The following DGAT2 variants were observed in gnomAD, a reference collection of about 807,000 sequenced individuals.
DGAT2 encodes acyl-CoA retinol O-fatty-acyltransferase.
Under a neutral mutation model 48.4 loss-of-function variants are expected in DGAT2, and 33 were observed. The observed-to-expected ratio is 0.68, with a 90% CI of 0.52 to 0.91. The LOEUF (loss-of-function observed/expected upper bound fraction) is 0.91, where lower values mean the gene tolerates loss of function less well. Ranked by LOEUF, DGAT2 falls within the 40% of genes least tolerant of loss-of-function variation. DGAT2 has a pLI of 0.00. For missense variants in DGAT2, 446 were observed against 493.7 expected, an observed-to-expected ratio of 0.90 and a Z score of 0.92; for synonymous variants, 191 against 194.1, an observed-to-expected ratio of 0.98 and a Z score of 0.13.
chr11:75,768,784 G>A lies in DGAT2; in HGVS notation c.-208G>A, dbSNP rs150209566. On this transcript the variant is annotated 5_prime_UTR_variant, in exon 1 of 8. Transcript: ENST00000228027. ...TGCGCTCCGGGACGCCAGCGCCGCGGCTGCCGCCTCTGCTGGGGTCTAGGC... is the reference window on the plus strand; with the variant it reads ...TGCGCTCCGGGACGCCAGCGCCGCGACTGCCGCCTCTGCTGGGGTCTAGGC... The A allele has an allele frequency of 2.2e-5, 11 of 504,714 alleles. No homozygotes were observed. Among genetic ancestry groups the A allele is most frequent in the South Asian group, 7.0e-5 (1 of 14,292 alleles). 31.3% of individuals were successfully genotyped at this position (504,714 alleles called of 1,614,324 possible).
chr11:75,798,147 C>T, intron 6 of DGAT2, 80 bp from the exon 7 acceptor site: 1 of 1,454,752 alleles, frequency 6.9e-7, no homozygotes. Flanking sequence ...GATGCTTGGC[C>T]AGTGTCCAGG....
chr11:75,773,400 T>G (rs1465234110), intron 1 of DGAT2, among the ~76,000 whole-genome samples: 1 of 152,196 alleles, frequency 6.6e-6, no homozygotes, highest in African/African-American at 2.4e-5. Flanking sequence ...AGAGCTGGGG[T>G]TCCAGGCCTG....
intron 4 of DGAT2, chr11:75,793,434 G>A (rs1465000683): frequency 1.3e-5 from 2 of 152,240 alleles, no homozygotes; most frequent in Admixed American, 1.3e-4. Flanking sequence ...GCCACCTGGG[G>A]CCCACTGGGT....
intron 4 of DGAT2, among the ~76,000 whole-genome samples, chr11:75,791,969 A>T (rs900612972): frequency 1.3e-5 from 2 of 152,210 alleles, no homozygotes; most frequent in African/African-American, 4.8e-5. Flanking sequence ...GATGAAAAGT[A>T]ATCAGTTCTG....
intron 4 of DGAT2, chr11:75,793,555 G>T (rs908809288): frequency 6.6e-6 from 1 of 152,238 alleles, no homozygotes; most frequent in Non-Finnish European, 1.5e-5. Flanking sequence ...CCTTTTCTAG[G>T]CCTCAGCTTC....
chr11:75,796,336 GAC>G lies in DGAT2; in HGVS notation c.444_445del (p.His148GlnfsTer95). ...CAAGGTCATCCTTGCAGCTGGTGAA[GAC>G]ACACAACCTGCTGACCACCAGGAAC... is the stretch of plus-strand genomic sequence containing the variant. The part of the protein sequence containing the change: ...RDYFPIQLVK[T>X]HNLLTTRNYI... On this transcript the variant is annotated frameshift_variant, in exon 5 of 8. Coordinates refer to ENST00000228027, the MANE Select transcript of DGAT2 (RefSeq NM_032564.5). LOFTEE classifies it high-confidence loss of function. 1.2e-6 allele frequency: 2 copies of G among 1,613,698 alleles called. No individual in the cohort carries two copies. Among genetic ancestry groups the G allele is most frequent in the Non-Finnish European group, 1.7e-6 (2 of 1,179,702 alleles).
At chr11:75,774,469 T>A (rs964414712) in intron 1 of DGAT2, among the ~76,000 whole-genome samples, 1 of 152,244 alleles carries the variant, frequency 6.6e-6, no homozygotes, top group African/African-American at 2.4e-5. Flanking sequence ...TAGAGCAGAA[T>A]TAGCCATTCT....
chr11:75,788,490 G>A (rs756651034), intron 2 of DGAT2, among the ~76,000 whole-genome samples: 1 of 152,124 alleles, frequency 6.6e-6, no homozygotes, highest in Non-Finnish European at 1.5e-5. Flanking sequence ...CAAGAGAGTT[G>A]TACCCTGTTT....
At chr11:75,769,254 T>G in intron 1 of DGAT2, 142 bp downstream of exon 1, 3 of 1,065,306 alleles carry the variant, frequency 2.8e-6, no homozygotes, top group Non-Finnish European at 3.7e-6. Flanking sequence ...GTTACATCGC[T>G]TTCCACCCGC....
intron 4 of DGAT2, chr11:75,792,497 C>T (rs1945001584): frequency 6.6e-6 from 1 of 152,104 alleles, no homozygotes; most frequent in African/African-American, 2.4e-5. Context: ...TCCTGTCCCA[C>T]CCCCTTTTCC....
intron 4 of DGAT2, among the ~76,000 whole-genome samples, chr11:75,791,590 C>A (rs1483120633): frequency 3.3e-5 from 5 of 152,182 alleles, no homozygotes; most frequent in Non-Finnish European, 7.3e-5. Flanking sequence ...GGCAACATTG[C>A]AACCACCATC....
chr11:75,770,033 T>C (rs1162475688), intron 1 of DGAT2, among the ~76,000 whole-genome samples: 2 of 152,232 alleles, frequency 1.3e-5, no homozygotes, highest in African/African-American at 2.4e-5. Flanking sequence ...TTTGAAAATA[T>C]AGACAAATGA....
intron 1 of DGAT2, among the ~76,000 whole-genome samples, chr11:75,773,191 T>C (rs1057078583): frequency 1.3e-5 from 2 of 152,234 alleles, no homozygotes; most frequent in African/African-American, 2.4e-5. Flanking sequence ...AGCTTCAGTG[T>C]GATTCCTCGA....
Position 75,784,610 on chromosome 11 carries a change from T to A in DGAT2, c.122-8T>A. 1 of 1,613,960 alleles carries A rather than the reference T, an allele frequency of 6.2e-7. No individual in the cohort carries two copies. The highest frequency in any genetic ancestry group is 2.2e-5 in the East Asian group (1 of 44,866). On this transcript the variant is annotated splice_region_variant and splice_polypyrimidine_tract_variant and intron_variant, in intron 1 of 7. Coordinates refer to ENST00000228027, the MANE Select transcript of DGAT2 (RefSeq NM_032564.5). Reference sequence around the variant, plus strand: ...TGACAGTGGACTGACATCTTCCCTCTGCTGTAGGCACTGGATCCAGCATCC... The same window carrying A: ...TGACAGTGGACTGACATCTTCCCTCAGCTGTAGGCACTGGATCCAGCATCC...
chr11:75,788,567 G>T (rs763720429), intron 2 of DGAT2, among the ~76,000 whole-genome samples: 8 of 152,122 alleles, frequency 5.3e-5, no homozygotes, highest in Non-Finnish European at 1.0e-4. Flanking sequence ...GCAACAAGGG[G>T]CTACCATTTC....
intron 4 of DGAT2, chr11:75,796,012 G>C (rs1192874010): frequency 1.6e-5 from 5 of 308,594 alleles, no homozygotes; most frequent in African/African-American, 1.1e-4. Context: ...CGAAAAGGAT[G>C]GGCCCAGAGG....
At chr11:75,772,346 C>G (rs1944766982) in intron 1 of DGAT2, among the ~76,000 whole-genome samples, 1 of 152,128 alleles carries the variant, frequency 6.6e-6, no homozygotes, top group African/African-American at 2.4e-5. Flanking sequence ...GAAGTAAGCC[C>G]CAGGTGAACA....
chr11:75,796,640 C>A, intron 5 of DGAT2, 108 bp downstream of exon 5: 1 of 1,204,780 alleles, frequency 8.3e-7, no homozygotes, highest in Non-Finnish European at 1.2e-6. Context: ...TGGTGCTGGG[C>A]CTGCATTGGG....
intron 1 of DGAT2, among the ~76,000 whole-genome samples, chr11:75,777,932 T>G (rs1307598784): frequency 1.3e-5 from 2 of 152,122 alleles, no homozygotes; most frequent in Non-Finnish European, 2.9e-5. Context: ...GTGTTTTATC[T>G]CTCCCTCAGC....
Sources: gnomAD v4.1 joint callset for allele counts (sites outside exome capture counted in the v4.1 genomes callset) on GRCh38, gnomAD v4.1.1 for gene constraint, MANE v1.5 for transcripts, NCBI Gene and HGNC (gene_info 2026-07-23, HGNC 2026-07-21) for gene names.